TOP2A: variants seen among roughly 807,000 people sequenced by gnomAD.
The protein encoded by TOP2A is DNA topoisomerase 2-alpha.
In TOP2A, 68 loss-of-function variants were observed where a neutral mutation model predicts 187.2. That is an observed-to-expected ratio of 0.36 (90% confidence interval 0.30 to 0.44). The LOEUF (loss-of-function observed/expected upper bound fraction) is 0.44, where lower values mean the gene tolerates loss of function less well. Among genes scored for constraint, TOP2A ranks in the 20% least tolerant of loss-of-function variants. The pLI is 1.00. For missense variants in TOP2A, 1,196 were observed against 1,808.7 expected, an observed-to-expected ratio of 0.66 and a Z score of 6.14; for synonymous variants, 542 against 593.2, an observed-to-expected ratio of 0.91 and a Z score of 1.25.
intron 4 of TOP2A, among the ~76,000 whole-genome samples, chr17:40,414,616 G>C (rs2035367681): frequency 6.6e-6 from 1 of 152,044 alleles, no homozygotes. Context: ...CACTTTGGGA[G>C]GCTAAGGCAG....
chr17:40,396,199 T>C lies in TOP2A; in HGVS notation c.3720+84A>G, dbSNP rs142799111. 87 of 717,486 alleles carry C rather than the reference T, an allele frequency of 1.2e-4. No individual in the cohort carries two copies. In the Admixed American group the frequency reaches 1.2e-3, roughly 10 times the overall value. 44.4% of individuals were successfully genotyped at this position (717,486 alleles called of 1,614,324 possible). ...TTTCAACCATGTTGGGAGGCTGGTC[T>C]TGAACCACTGACCTCAAGTGATCCA... On this transcript the variant is annotated intron_variant, in intron 28 of 34. Coordinates refer to ENST00000423485, the MANE Select transcript of TOP2A (RefSeq NM_001067.4).
At chr17:40,397,808 C>T (rs1411699029) in intron 27 of TOP2A, among the ~76,000 whole-genome samples, 2 of 147,712 alleles carry the variant, frequency 1.4e-5, no homozygotes, top group Non-Finnish European at 3.0e-5. Context: ...GACGGAGTTC[C>T]ACTCTTGTTG....
Position 40,408,600 on chromosome 17 carries a change from G to A in TOP2A, c.1234C>T (p.Leu412=). 6.2e-7 allele frequency: 1 copy of A among 1,613,766 alleles called. No individual in the cohort carries two copies. Among genetic ancestry groups the A allele is most frequent in the Non-Finnish European group, 8.5e-7 (1 of 1,179,802 alleles). Residue 412 remains leucine, a synonymous_variant, in exon 11 of 35, where the codon CTA becomes TTA. Transcript: ENST00000423485. ...TGGGCCTTAAACTTCACCCAGTTTAGTATGCTTTCTACAATACCACAGCCA... is the reference window on the plus strand; with the variant it reads ...TGGGCCTTAAACTTCACCCAGTTTAATATGCTTTCTACAATACCACAGCCA... ...AIGCGIVESI[L]NWVKFKAQVQ...
At chr17:40,398,961 C>T in intron 25 of TOP2A, 24 bp from the exon 26 acceptor site, 1 of 1,602,310 alleles carries the variant, frequency 6.2e-7, no homozygotes. Context: ...TAAAATCTAG[C>T]TTTATTAGAA....
chr17:40,406,259 A>C lies in TOP2A; in HGVS notation c.1953+125T>G, dbSNP rs150698051. On this transcript the variant is annotated intron_variant, in intron 16 of 34. Coordinates refer to ENST00000423485, the MANE Select transcript of TOP2A (RefSeq NM_001067.4). ...TCTCTGGGATATGCTTACTGGAAAC[A>C]TTCTATTCTATAAAACATTCTTTTT... is the stretch of plus-strand genomic sequence containing the variant. 9.7e-4 allele frequency: 701 copies of C among 724,584 alleles called. 6 individuals carry two copies. In the African/African-American group the frequency reaches 0.011, roughly 12 times the overall value. 44.9% of individuals were successfully genotyped at this position (724,584 alleles called of 1,614,324 possible).
Position 40,389,542 on chromosome 17 carries a change from A to T in TOP2A, c.4573T>A (p.Ser1525Thr), listed in dbSNP as rs748817557. ...TTTTAAAACAGATCATCTTCATCTGACTCTTCCAGGTACTTTATAGGTTTC... is the reference window on the plus strand; with the variant it reads ...TTTTAAAACAGATCATCTTCATCTGTCTCTTCCAGGTACTTTATAGGTTTC... ...AKKPIKYLEE[S>T]DEDDLF The change falls in exon 35 of 35, where the codon TCA becomes ACA. Residue 1525 changes from serine to threonine, a missense_variant. By Grantham distance (58) the Ser-to-Thr change is moderately conservative. Around this residue, in one of 10 missense-constraint regions of TOP2A, gnomAD observed 374 missense variants for 403.3 expected, o/e 0.93. Transcript: ENST00000423485. The T allele has an allele frequency of 1.3e-6, 2 of 1,594,564 alleles. No individual in the cohort carries two copies. The highest frequency in any genetic ancestry group is 1.7e-6 in the Non-Finnish European group (2 of 1,169,748).
At chr17:40,406,965 G>C in intron 13 of TOP2A, 23 bp from the exon 14 acceptor site, 1 of 1,544,176 alleles carries the variant, frequency 6.5e-7, no homozygotes, top group Non-Finnish European at 8.8e-7. Flanking sequence ...GAAAGCCAAA[G>C]TTCAAAAGAA....
At chr17:40,391,245 A>G in intron 33 of TOP2A, 1 of 329,626 alleles carries the variant, frequency 3.0e-6, no homozygotes, top group Non-Finnish European at 5.5e-6. Flanking sequence ...TGACTAGTCA[A>G]GTGCAGTAGT....
rs1446959681 is a variant in TOP2A, at chr17:40,392,347, A to T, written c.3965-6T>A. On this transcript the variant is annotated splice_polypyrimidine_tract_variant and splice_region_variant and intron_variant, in intron 30 of 34. Coordinates refer to ENST00000423485, the MANE Select transcript of TOP2A (RefSeq NM_001067.4). The stretch of plus-strand genomic sequence containing the variant: ...CATTGTGAATTTTGTTTTTGCTAGT[A>T]AAAAAACCATATACAAAAAAATCAA... 1 of 1,578,338 alleles carries T rather than the reference A, an allele frequency of 6.3e-7. No homozygotes were observed. The highest frequency in any genetic ancestry group is 8.6e-7 in the Non-Finnish European group (1 of 1,160,776).
In TOP2A at chr17:40,415,684, G is replaced by A. The variant is rs551572307; in HGVS notation, c.332+321C>T. 3.3e-5 allele frequency among the ~76,000 whole-genome samples: 5 copies of A among 152,270 alleles called. No homozygotes were observed. In the East Asian group the frequency reaches 5.8e-4, roughly 18 times the overall value. On this transcript the variant is annotated intron_variant, in intron 4 of 34. Coordinates refer to ENST00000423485, the MANE Select transcript of TOP2A (RefSeq NM_001067.4). ...TGAAATGATCCAGAGCAAATAGGCC[G>A]CGTGCCATGGCACACACCCATAATG...
intron 7 of TOP2A, among the ~76,000 whole-genome samples, chr17:40,412,028 A>G (rs973011262): frequency 6.6e-6 from 1 of 151,492 alleles, no homozygotes; most frequent in South Asian, 2.1e-4. Flanking sequence ...CCCCACCTCT[A>G]TTAAAAAGAA....
At chr17:40,398,749 T>C in intron 26 of TOP2A, 24 bp downstream of exon 26, 5 of 1,607,214 alleles carry the variant, frequency 3.1e-6, no homozygotes, top group Non-Finnish European at 3.4e-6. Context: ...CTAAGCAGCA[T>C]GTACCATCCT....
chr17:40,394,498 A>G (rs898378148), intron 29 of TOP2A, among the ~76,000 whole-genome samples: 1 of 152,010 alleles, frequency 6.6e-6, no homozygotes, highest in Non-Finnish European at 1.5e-5. Context: ...ACACTCAACT[A>G]ATTTTTGTAT....
chr17:40,407,502 A>G, intron 13 of TOP2A, 47 bp downstream of exon 13: 1 of 1,436,240 alleles, frequency 7.0e-7, no homozygotes, highest in South Asian at 1.4e-5. Flanking sequence ...AAATTAAGAC[A>G]TGCTTAATTT....
chr17:40,410,591 AG>A, intron 10 of TOP2A: 1 of 455,972 alleles, frequency 2.2e-6, no homozygotes, highest in South Asian at 1.6e-5. Context: ...AAACCAAAAA[AG>A]AGATAATGGT....
At chr17:40,399,419 C>T (rs1472773508) in intron 24 of TOP2A, among the ~76,000 whole-genome samples, 1 of 152,062 alleles carries the variant, frequency 6.6e-6, no homozygotes, top group African/African-American at 2.4e-5. Flanking sequence ...AGGCTCACTG[C>T]AGCCTTGACC....
chr17:40,412,472 G>C (rs2035333985), intron 7 of TOP2A, among the ~76,000 whole-genome samples: 1 of 152,124 alleles, frequency 6.6e-6, no homozygotes, highest in African/African-American at 2.4e-5. Flanking sequence ...AGTGAAACCT[G>C]TCTCTACTAA....
chr17:40,400,911 T>A lies in TOP2A; in HGVS notation c.2603A>T (p.Asp868Val). The A allele has an allele frequency of 6.2e-7, 1 of 1,613,954 alleles. No homozygotes were observed. Among genetic ancestry groups the A allele is most frequent in the Non-Finnish European group, 8.5e-7 (1 of 1,179,890 alleles). Residue 868 changes from aspartate (D) to valine (V), a missense_variant, in exon 21 of 35, where the codon GAT (aspartate) becomes GTT (valine). Coordinates refer to ENST00000423485, the MANE Select transcript of TOP2A (RefSeq NM_001067.4). ...TGWSCKIPNF[D>V]VREIVNNIRR... is the part of the protein sequence containing the mutation. ...GATGTTATTTACAATTTCACGCACA[T>A]CAAAGTTGGGGATTTTGCAGGACCA...
intron 4 of TOP2A, among the ~76,000 whole-genome samples, chr17:40,414,237 A>C (rs2035361661): frequency 1.3e-5 from 2 of 152,164 alleles, no homozygotes; most frequent in African/African-American, 4.8e-5. Flanking sequence ...TCGCTCTGTC[A>C]CCCAGGCTGC....
Sources: gnomAD v4.1 joint callset for allele counts (sites outside exome capture counted in the v4.1 genomes callset) on GRCh38, gnomAD v4.1.1 for gene constraint, gnomAD v4.1.1 regional missense constraint, MANE v1.5 for transcripts, NCBI Gene and HGNC (gene_info 2026-07-23, HGNC 2026-07-21) for gene names.